C2: variants seen among roughly 807,000 people sequenced by gnomAD.
C2 encodes complement C2, also known as C3/C5 convertase.
Under a neutral mutation model 85.2 loss-of-function variants are expected in C2, and 64 were observed. The observed-to-expected ratio is 0.75, with a 90% CI of 0.61 to 0.92. The LOEUF (loss-of-function observed/expected upper bound fraction) is 0.92. C2 is among the 40% of genes least tolerant of loss of function. The pLI is 0.00. For synonymous variants in C2, 311 were observed against 370.8 expected, an observed-to-expected ratio of 0.84 and a Z score of 1.85; for missense variants, 820 against 971.6, an observed-to-expected ratio of 0.84 and a Z score of 2.07.
upstream of C2, among the ~76,000 whole-genome samples, chr6:31,918,877 T>A (rs1768747823): frequency 8.5e-6 from 1 of 117,324 alleles, no homozygotes; most frequent in African/African-American, 3.0e-5. Flanking sequence ...AGCAAGACTC[T>A]GTCTCAAAAA....
intron 1 of C2, among the ~76,000 whole-genome samples, chr6:31,910,755 G>T (rs1457450990): frequency 1.3e-5 from 2 of 151,830 alleles, no homozygotes; most frequent in Admixed American, 1.3e-4. Context: ...TGAGGCAGAT[G>T]AATCACTTGA....
chr6:31,924,530 CTG>C (rs1769157844), upstream of C2, among the ~76,000 whole-genome samples: 2 of 152,284 alleles, frequency 1.3e-5, no homozygotes, highest in East Asian at 3.9e-4. Context: ...AGAACATACT[CTG>C]TGGGCCCAGA....
intron 9 of C2, among the ~76,000 whole-genome samples, chr6:31,940,955 G>A (rs982724384): frequency 6.6e-6 from 1 of 152,322 alleles, no homozygotes; most frequent in South Asian, 2.1e-4. Flanking sequence ...GGGTGCAAAG[G>A]CTGGGAGAGG....
chr6:31,931,322 G>T (rs1769726087), intron 3 of C2, among the ~76,000 whole-genome samples: 1 of 149,422 alleles, frequency 6.7e-6, no homozygotes. Flanking sequence ...GGGGGATTTG[G>T]CAGGGTCACA....
chr6:31,911,628 C>CTT (rs375372431), intron 1 of C2, among the ~76,000 whole-genome samples: 1 of 141,232 alleles, frequency 7.1e-6, no homozygotes, highest in Non-Finnish European at 1.6e-5. Flanking sequence ...GTGTTTCTTT[C>CTT]TTTTTTTTTT....
rs1310333522 is a variant in C2 at position 31,928,017 on chromosome 6, C to A, written c.109C>A (p.Leu37Ile). Residue 37 changes from leucine (L) to isoleucine (I), a missense_variant, in exon 2 of 18, where the codon CTC (leucine) becomes ATC (isoleucine). By Grantham distance (5) the Leu-to-Ile change is conservative. Coordinates refer to ENST00000299367, the MANE Select transcript of C2 (RefSeq NM_000063.6). ...GAATATCTCGGGTGGCACCTTCACC[C>A]TCAGCCATGGCTGGGCTCCTGGGAG... is the stretch of plus-strand genomic sequence containing the variant. ...NVNISGGTFT[L>I]SHGWAPGSLL... The A allele has an allele frequency of 1.2e-6, 2 of 1,614,178 alleles. No homozygotes were observed. The highest frequency in any genetic ancestry group is 1.7e-6 in the Non-Finnish European group (2 of 1,180,026).
intron 1 of C2, chr6:31,901,315 G>C: frequency 7.5e-6 from 12 of 1,601,344 alleles, no homozygotes; most frequent in South Asian, 1.1e-5. Context: ...TTGTGGCGGG[G>C]GTGGGCAACC....
intron 1 of C2, among the ~76,000 whole-genome samples, chr6:31,902,413 C>T (rs1446160337): frequency 6.6e-6 from 1 of 152,038 alleles, no homozygotes; most frequent in Non-Finnish European, 1.5e-5. Context: ...CGCGCGCGCG[C>T]ACCCGTTCTC....
rs555142162 is a variant in C2, at chr6:31,901,582, C to T, written c.73+443C>T. ...AGGATGGGGCGAGCCCGCGCGCCCA[C>T]GGTGGAAGGACGGAGAAAAAGGGGG... On this transcript the variant is annotated intron_variant, in intron 1 of 3. Coordinates refer to the C2 transcript ENST00000452202. Among the ~76,000 whole-genome samples the T allele has an allele frequency of 9.1e-3, 1,377 of 151,582 alleles. 20 individuals carry two copies. Among genetic ancestry groups the T allele is most frequent in the African/African-American group, 0.031 (1,286 of 41,336 alleles).
upstream of C2, among the ~76,000 whole-genome samples, chr6:31,919,326 G>T (rs1768799703): frequency 6.6e-6 from 1 of 151,990 alleles, no homozygotes; most frequent in African/African-American, 2.4e-5. Flanking sequence ...TGTATTTTTA[G>T]TAGAGACGGG....
At chr6:31,897,788 T>C, upstream of C2, 1 of 983,112 alleles carries the variant, frequency 1.0e-6, no homozygotes, top group Non-Finnish European at 1.3e-6. Flanking sequence ...TTTTGGCCAT[T>C]TTCCCCTGAG....
intron 3 of C2, among the ~76,000 whole-genome samples, chr6:31,931,936 G>A (rs1440807704): frequency 2.8e-4 from 24 of 84,496 alleles, no homozygotes; most frequent in East Asian, 5.7e-4. Flanking sequence ...CTGGCCGGGC[G>A]GGGGGCTGAT....
At position 31,909,925 on chromosome 6, in the gene C2, G is replaced by A. The variant is rs182765385; in HGVS notation, c.73+8786G>A. Among the ~76,000 whole-genome samples the A allele has an allele frequency of 9.9e-5, 15 of 151,026 alleles. 1 individual carries two copies. In the East Asian group the frequency reaches 2.1e-3, roughly 22 times the overall value. On this transcript the variant is annotated intron_variant, in intron 1 of 3. Coordinates refer to the C2 transcript ENST00000452202. Reference sequence around the variant, plus strand: ...AGACAGCGTCTCACTCTGTTGCCCCGGCTAGAGTACAGTGGTGCGATCTTG... The same window carrying A: ...AGACAGCGTCTCACTCTGTTGCCCCAGCTAGAGTACAGTGGTGCGATCTTG...
chr6:31,901,002 T>C, upstream of C2: 1 of 1,614,212 alleles, frequency 6.2e-7, no homozygotes, highest in Non-Finnish European at 8.5e-7. Flanking sequence ...GTAAGGTAGT[T>C]GACGATGTCC....
In C2 at chr6:31,944,687, G is replaced by C. The variant is rs1771209050; in HGVS notation, c.1903-40G>C. On this transcript the variant is annotated intron_variant, in intron 15 of 17. Coordinates refer to ENST00000299367, the MANE Select transcript of C2 (RefSeq NM_000063.6). This position sits in a 1 kb window ranked among gnomAD's most constrained non-coding sequence, Gnocchi z 5.1. ...TGAGCCACTGCACCCACCCGGGTCT[G>C]CTTATTCTACCCTTCTCTCTGGTTC... The C allele has an allele frequency of 6.2e-7, 1 of 1,612,158 alleles. No individual in the cohort carries two copies. Among genetic ancestry groups the C allele is most frequent in the Non-Finnish European group, 8.5e-7 (1 of 1,179,778 alleles).
chr6:31,927,376 A>T, upstream of C2: 1 of 557,624 alleles, frequency 1.8e-6, no homozygotes, highest in South Asian at 3.0e-5. The surrounding 1 kb of genome is among the most constrained non-coding windows in gnomAD (Gnocchi z 4.7). Context: ...CTATTCACAC[A>T]AGAGCAAGGT....
At chr6:31,911,323 A>T (rs1031687479) in intron 1 of C2, among the ~76,000 whole-genome samples, 6 of 143,634 alleles carry the variant, frequency 4.2e-5, no homozygotes, top group South Asian at 2.1e-4. Context: ...ATAAATACAT[A>T]AAAAAAAAAA....
chr6:31,939,215 A>G lies in C2; in HGVS notation c.1130-16A>G, dbSNP rs777255036. 1.3e-6 allele frequency: 2 copies of G among 1,569,794 alleles called. No individual in the cohort carries two copies. The highest frequency in any genetic ancestry group is 1.1e-5 in the South Asian group (1 of 90,152). On this transcript the variant is annotated splice_polypyrimidine_tract_variant and intron_variant, in intron 8 of 17. Coordinates refer to ENST00000299367, the MANE Select transcript of C2 (RefSeq NM_000063.6). ...CTGATATTACCTAGAAGAATTCTTTATTCTCTTTGTTCTAGGAAAGTCCAA... is the reference window on the plus strand; with the variant it reads ...CTGATATTACCTAGAAGAATTCTTTGTTCTCTTTGTTCTAGGAAAGTCCAA...
intron 1 of C2, chr6:31,901,463 A>C: frequency 2.3e-6 from 2 of 860,762 alleles, no homozygotes; most frequent in Non-Finnish European, 3.5e-6. Flanking sequence ...CAGTTTCCCC[A>C]ACCCTGGGGA....
Sources: allele counts gnomAD v4.1 joint callset (sites outside exome capture counted in the v4.1 genomes callset), GRCh38; gene constraint gnomAD v4.1.1; non-coding constraint Gnocchi (gnomAD v3.1); transcripts MANE v1.5; gene names NCBI Gene and HGNC (gene_info 2026-07-23, HGNC 2026-07-21).